Variants in CNTNAP5 observed in about 807,000 individuals in gnomAD.
CNTNAP5 encodes the protein contactin-associated protein-like 5.
A neutral mutation model predicts 150.2 loss-of-function variants in CNTNAP5; 72 were observed. The ratio of observed to expected loss-of-function variants is 0.48; its 90% CI spans 0.40 to 0.58. CNTNAP5 has a LOEUF of 0.58. CNTNAP5 is among the 20% of genes least tolerant of loss of function. The probability of loss-of-function intolerance (pLI) is 0.00; values close to 1 mark genes in which losing one functional copy is unlikely to be tolerated. For missense variants in CNTNAP5, 1,636 were observed against 1,626.2 expected (o/e 1.01, Z -0.10); for synonymous variants, 672 against 619.8 (o/e 1.08, Z -1.25).
chr2:124,484,414 G>C (rs919729455), intron 7 of CNTNAP5, among the ~76,000 whole-genome samples: 3 of 152,282 alleles, frequency 2.0e-5, no homozygotes, highest in Non-Finnish European at 4.4e-5. Context: ...ATCTTTGAAG[G>C]AAGTAAGATT....
intron 13 of CNTNAP5, among the ~76,000 whole-genome samples, chr2:124,706,796 AGGAGGAGGAGGAGGAGGAGGAGGAGGAG>A (rs1679657115): frequency 2.0e-3 from 20 of 10,000 alleles, no homozygotes; most frequent in African/African-American, 3.9e-3. Flanking sequence ...AAGAAGAAGA[AGGAGGAGGAGGAGGAGGAGGAGGAGGAG>A]GAAGAGGAGG....
chr2:124,297,274 G>A (rs1416751819), intron 3 of CNTNAP5, among the ~76,000 whole-genome samples: 2 of 152,126 alleles, frequency 1.3e-5, no homozygotes, highest in African/African-American at 2.4e-5. Flanking sequence ...CTCCGTGCCG[G>A]TAACCACACC....
rs1174008053 is a variant in CNTNAP5, at chr2:124,764,291, T to C, written c.2533+144T>C. 3 of 635,172 alleles carry C rather than the reference T, an allele frequency of 4.7e-6. No individual in the cohort carries two copies. The East Asian group carries it at 8.0e-5, about 17-fold the overall frequency. The allele number at this position is 635,172 out of a possible 1,614,324, so 39.3% of individuals were successfully genotyped here. A position where few individuals can be genotyped will look rare whatever the true frequency, so the allele number is the denominator to read the frequency against. The stretch of plus-strand genomic sequence containing the variant: ...TAAAATTAGCAGTGATAATGTCTAG[T>C]TCCTTCTGATGCTTTATGATTTTTT... On this transcript the variant is annotated intron_variant, in intron 16 of 23. Transcript: ENST00000682447.
chr2:124,715,165 C>T (rs1170758304), intron 13 of CNTNAP5, among the ~76,000 whole-genome samples: 1 of 152,144 alleles, frequency 6.6e-6, no homozygotes, highest in Non-Finnish European at 1.5e-5. Context: ...GAAGAGAATG[C>T]CATCTGGGCA....
At chr2:124,767,887 T>G (rs1307923589) in intron 16 of CNTNAP5, among the ~76,000 whole-genome samples, 1 of 152,214 alleles carries the variant, frequency 6.6e-6, no homozygotes, top group Non-Finnish European at 1.5e-5. Context: ...CTCTCCATCA[T>G]GGTGGAGCTG....
chr2:124,565,125 C>T (rs1427640105), intron 11 of CNTNAP5, among the ~76,000 whole-genome samples: 1 of 152,182 alleles, frequency 6.6e-6, no homozygotes, highest in Non-Finnish European at 1.5e-5. Flanking sequence ...CTCTTCCATT[C>T]CTTCAAAGCA....
intron 3 of CNTNAP5, among the ~76,000 whole-genome samples, chr2:124,354,312 G>A (rs1689947085): frequency 6.6e-6 from 1 of 152,150 alleles, no homozygotes; most frequent in Non-Finnish European, 1.5e-5. Flanking sequence ...AAGAGAACTA[G>A]AGAGACAGTG....
chr2:124,577,667 G>C (rs1573471005), intron 11 of CNTNAP5, among the ~76,000 whole-genome samples: 1 of 152,252 alleles, frequency 6.6e-6, no homozygotes, highest in East Asian at 1.9e-4. Flanking sequence ...TACATGGTCA[G>C]AAGCTAAATT....
intron 3 of CNTNAP5, among the ~76,000 whole-genome samples, chr2:124,297,822 A>T (rs1428458038): frequency 9.1e-4 from 73 of 80,512 alleles, no homozygotes; most frequent in African/African-American, 2.3e-3. Context: ...TATTATTATT[A>T]TTATTATTAT....
At chr2:124,227,887 T>TATACAC (rs1229091674) in intron 2 of CNTNAP5, among the ~76,000 whole-genome samples, 3 of 151,736 alleles carry the variant, frequency 2.0e-5, no homozygotes, top group Non-Finnish European at 4.4e-5. Flanking sequence ...GGGATATATA[T>TATACAC]ATACACATAC....
chr2:124,437,905 C>G (rs1388158757), intron 5 of CNTNAP5, among the ~76,000 whole-genome samples: 1 of 152,122 alleles, frequency 6.6e-6, no homozygotes, highest in Non-Finnish European at 1.5e-5. Flanking sequence ...TCAGCAGTGT[C>G]TCCTTTAGTG....
chr2:124,169,994 C>T (rs1342486336), intron 1 of CNTNAP5, among the ~76,000 whole-genome samples: 1 of 152,174 alleles, frequency 6.6e-6, no homozygotes, highest in East Asian at 1.9e-4. Context: ...GGAGTAGCCT[C>T]AGTATAGACT....
At chr2:124,125,291 C>A (rs1683663159) in intron 1 of CNTNAP5, among the ~76,000 whole-genome samples, 1 of 152,018 alleles carries the variant, frequency 6.6e-6, no homozygotes, top group Non-Finnish European at 1.5e-5. Context: ...GACTTTAAAC[C>A]AACAAAGATC....
intron 14 of CNTNAP5, among the ~76,000 whole-genome samples, chr2:124,752,202 T>A (rs1680742003): frequency 6.6e-6 from 1 of 152,086 alleles, no homozygotes; most frequent in African/African-American, 2.4e-5. Flanking sequence ...AAGCCTCTGG[T>A]GATTGATAAT....
At chr2:124,079,853 G>T (rs1682521278) in intron 1 of CNTNAP5, among the ~76,000 whole-genome samples, 1 of 152,110 alleles carries the variant, frequency 6.6e-6, no homozygotes, top group Non-Finnish European at 1.5e-5. Context: ...AAATGCATGG[G>T]TTCAAGTCCC....
intron 3 of CNTNAP5, among the ~76,000 whole-genome samples, chr2:124,306,571 C>T (rs971012306): frequency 1.3e-4 from 20 of 152,154 alleles, no homozygotes; most frequent in Admixed American, 1.0e-3. Context: ...ATGGCATGAG[C>T]TAACAGTGTG....
chr2:124,464,053 T>C (rs1055359336), intron 6 of CNTNAP5, among the ~76,000 whole-genome samples: 3 of 152,184 alleles, frequency 2.0e-5, no homozygotes, highest in Non-Finnish European at 4.4e-5. Flanking sequence ...CAATAAGTCC[T>C]ACTATTGCTA....
At chr2:124,819,082 C>T (rs1225249257) in intron 19 of CNTNAP5, among the ~76,000 whole-genome samples, 4 of 152,062 alleles carry the variant, frequency 2.6e-5, no homozygotes, top group African/African-American at 7.2e-5. Flanking sequence ...TTATAGAGAC[C>T]ATGCCATCTC....
chr2:124,192,658 G>A (rs912964892), intron 1 of CNTNAP5, among the ~76,000 whole-genome samples: 4 of 152,030 alleles, frequency 2.6e-5, no homozygotes, highest in African/African-American at 4.8e-5. Flanking sequence ...CAGTTGTCTC[G>A]CTGAAAATCT....
Sources: allele counts gnomAD v4.1 joint callset (sites outside exome capture counted in the v4.1 genomes callset), GRCh38; gene constraint gnomAD v4.1.1; transcripts MANE v1.5; gene names NCBI Gene and HGNC (gene_info 2026-07-23, HGNC 2026-07-21).